The following IP6K2 variants were observed in gnomAD, a reference collection of about 807,000 sequenced individuals.
IP6K2 encodes the protein ATP:1D-myo-inositol-hexakisphosphate phosphotransferase.
IP6K2 carries 9 observed loss-of-function variants against 43.3 expected under a neutral mutation model. The ratio of observed to expected loss-of-function variants is 0.21; its 90% CI spans 0.13 to 0.36. The LOEUF is 0.36. Ranked by LOEUF, IP6K2 falls within the 10% of genes least tolerant of loss-of-function variation. The probability of loss-of-function intolerance (pLI) is 1.00; values close to 1 mark genes in which losing one functional copy is unlikely to be tolerated. For missense variants in IP6K2, 332 were observed against 538.4 expected, an observed-to-expected ratio of 0.62 and a Z score of 3.79; for synonymous variants, 209 against 202.4, an observed-to-expected ratio of 1.03 and a Z score of -0.28.
intron 2 of IP6K2, chr3:48,693,982 G>T: frequency 5.1e-6 from 7 of 1,381,734 alleles, no homozygotes; most frequent in Non-Finnish European, 4.7e-6. Flanking sequence ...GTGCCGACGA[G>T]CGCCTTACAA....
chr3:48,699,969 T>G (rs1174773805), intron 1 of IP6K2, among the ~76,000 whole-genome samples: 5 of 152,192 alleles, frequency 3.3e-5, no homozygotes, highest in Non-Finnish European at 5.9e-5. Context: ...ATGGGAAGAT[T>G]GCTTGAGTTC....
intron 1 of IP6K2, among the ~76,000 whole-genome samples, chr3:48,703,730 A>G (rs908083578): frequency 4.6e-5 from 7 of 151,918 alleles, no homozygotes; most frequent in African/African-American, 1.7e-4. Context: ...AAACAAAACA[A>G]AACAAAACAA....
chr3:48,701,175 G>A (rs1041504262), intron 1 of IP6K2, among the ~76,000 whole-genome samples: 1 of 152,056 alleles, frequency 6.6e-6, no homozygotes, highest in African/African-American at 2.4e-5. Context: ...TTTGAAACCA[G>A]CCTGGTCAAC....
chr3:48,689,531 C>T lies in IP6K2; in HGVS notation c.780+7G>A. On this transcript the variant is annotated splice_region_variant and intron_variant, in intron 5 of 5. Coordinates refer to ENST00000328631, the MANE Select transcript of IP6K2 (RefSeq NM_016291.4). The stretch of plus-strand genomic sequence containing the variant: ...GATGCCCTAGCCAGCCCTAGCATCC[C>T]CCTCACCTGCATGCCACACACACGC... 1 of 1,609,012 alleles carries T rather than the reference C, an allele frequency of 6.2e-7. No individual in the cohort carries two copies. The highest frequency in any genetic ancestry group is 8.5e-7 in the Non-Finnish European group (1 of 1,178,012).
rs866449293 is a variant in IP6K2, at chr3:48,695,309, C to A, written c.-18G>T. 6.3e-7 allele frequency: 1 copy of A among 1,597,212 alleles called. No homozygotes were observed. Among genetic ancestry groups the A allele is most frequent in the Admixed American group, 1.7e-5 (1 of 58,654 alleles). ...GGGCTCATCCTCCGGGCGCAGATGG[C>A]GGGGAGATGGGGGAGGCAGCGGAGT... On this transcript the variant is annotated 5_prime_UTR_variant, in exon 2 of 6. Coordinates refer to ENST00000328631, the MANE Select transcript of IP6K2 (RefSeq NM_016291.4). The surrounding 1 kb of genome is among the most constrained non-coding windows in gnomAD (Gnocchi z 4.6).
intron 4 of IP6K2, among the ~76,000 whole-genome samples, chr3:48,690,799 A>G (rs932810715): frequency 1.3e-5 from 2 of 151,178 alleles, no homozygotes; most frequent in African/African-American, 2.4e-5. Flanking sequence ...AAAAAAAAAA[A>G]AAAAGAAAAA....
intron 1 of IP6K2, among the ~76,000 whole-genome samples, chr3:48,703,858 A>G (rs1172874003): frequency 6.6e-6 from 1 of 152,212 alleles, no homozygotes; most frequent in Non-Finnish European, 1.5e-5. Context: ...TGGGAGGCAG[A>G]GGCGGGCAGA....
chr3:48,714,008 T>C (rs1275084190), intron 1 of IP6K2, among the ~76,000 whole-genome samples: 4 of 151,212 alleles, frequency 2.6e-5, no homozygotes, highest in Admixed American at 2.0e-4. Context: ...TCCCAGCTAC[T>C]AGGGAGGCTG....
chr3:48,715,546 A>G (rs2107125485), intron 1 of IP6K2: 2 of 1,272,414 alleles, frequency 1.6e-6, no homozygotes, highest in Non-Finnish European at 2.2e-6. Flanking sequence ...CACAAAAGAA[A>G]TCTATTATAT....
chr3:48,700,204 GC>G (rs1254084326), intron 1 of IP6K2, among the ~76,000 whole-genome samples: 1 of 152,014 alleles, frequency 6.6e-6, no homozygotes, highest in African/African-American at 2.4e-5. Context: ...GTCCCTCACA[GC>G]CCCTATCTCT....
rs757981572 is a variant in IP6K2, at chr3:48,695,355, T to C, written c.-64A>G. 3.9e-6 allele frequency: 6 copies of C among 1,531,736 alleles called. No individual in the cohort carries two copies. The Admixed American group carries it at 8.3e-5, about 21-fold the overall frequency. The allele number at this position is 1,531,736 out of a possible 1,614,324, so 94.9% of individuals were successfully genotyped here. On this transcript the variant is annotated 5_prime_UTR_variant, in exon 2 of 6. Transcript: ENST00000328631. This position sits in a 1 kb window ranked among gnomAD's most constrained non-coding sequence, Gnocchi z 4.6. ...GGAGTCCAGCGGCCAGTACGTCTTCTGTCTGTTGTTTGTCCGTGTGTCCCT... is the reference window on the plus strand; with the variant it reads ...GGAGTCCAGCGGCCAGTACGTCTTCCGTCTGTTGTTTGTCCGTGTGTCCCT...
intron 1 of IP6K2, among the ~76,000 whole-genome samples, chr3:48,709,698 G>C (rs763960753): frequency 2.6e-5 from 4 of 152,022 alleles, no homozygotes; most frequent in African/African-American, 9.7e-5. Flanking sequence ...TTAGCCGGGC[G>C]TGGTGGCAGG....
At chr3:48,717,019 C>T (rs1438502239) in intron 1 of IP6K2, 138 bp downstream of exon 1, 3 of 154,046 alleles carry the variant, frequency 1.9e-5, no homozygotes, top group African/African-American at 7.2e-5. Context: ...CGGGAGATTT[C>T]CCCCACAATG....
At chr3:48,711,596 A>T (rs145356915) in intron 1 of IP6K2, 162 of 152,358 alleles carry the variant, frequency 1.1e-3, no homozygotes, top group African/African-American at 3.8e-3. Flanking sequence ...AAGAACAGAT[A>T]CTGTTCAAGG....
At chr3:48,715,929 C>CA (rs11391893) in intron 1 of IP6K2, among the ~76,000 whole-genome samples, 20,994 of 141,790 alleles carry the variant, frequency 0.15, 1,666 homozygotes, top group African/African-American at 0.23. Flanking sequence ...AACTTTTTCT[C>CA]AAAAAAAAAA....
At chr3:48,689,247 G>A (rs2077571269) in intron 5 of IP6K2, among the ~76,000 whole-genome samples, 1 of 152,280 alleles carries the variant, frequency 6.6e-6, no homozygotes, top group South Asian at 2.1e-4. Context: ...CTGCCTCCTG[G>A]GTTCAAGCTG....
In IP6K2 at chr3:48,688,684, G is replaced by T. The variant is rs758607679; in HGVS notation, c.870C>A (p.Phe290Leu). The change falls in exon 6 of 6, where the codon TTC becomes TTA. Residue 290 changes from phenylalanine (F) to leucine (L), a missense_variant. Transcript: ENST00000328631. The surrounding 1 kb of genome is among the most constrained non-coding windows in gnomAD (Gnocchi z 5.1). ...GGTACCGCCCATTGTGGAAGAACTG[G>T]AAAAGTGCCTCCTTGAAGCCCTGCA... The part of the protein sequence containing the change: ...LSVQGFKEAL[F>L]QFFHNGRYLR... 1.9e-6 allele frequency: 3 copies of T among 1,614,220 alleles called. No homozygotes were observed. In the Admixed American group the frequency reaches 5.0e-5, roughly 27 times the overall value.
intron 1 of IP6K2, among the ~76,000 whole-genome samples, chr3:48,701,917 A>C (rs2079100932): frequency 6.6e-6 from 1 of 151,412 alleles, no homozygotes; most frequent in African/African-American, 2.4e-5. Context: ...ATAAATAAAA[A>C]TAAATCCTAC....
At chr3:48,701,358 G>A (rs545900871) in intron 1 of IP6K2, among the ~76,000 whole-genome samples, 1 of 152,214 alleles carries the variant, frequency 6.6e-6, no homozygotes, top group East Asian at 1.9e-4. Context: ...CCTGAGCTCA[G>A]AAGTTCGAGG....
Sources: allele counts gnomAD v4.1 joint callset (sites outside exome capture counted in the v4.1 genomes callset), GRCh38; gene constraint gnomAD v4.1.1; non-coding constraint Gnocchi (gnomAD v3.1); transcripts MANE v1.5; gene names NCBI Gene and HGNC (gene_info 2026-07-23, HGNC 2026-07-21).